The following ABR variants were observed in gnomAD, a reference collection of about 807,000 sequenced individuals.
The protein encoded by ABR is ABR activator of RhoGEF and GTPase.
ABR carries 35 observed loss-of-function variants against 107.2 expected under a neutral mutation model. That is an observed-to-expected ratio of 0.33 (90% CI 0.25 to 0.43). The LOEUF is 0.43. Among genes scored for constraint, ABR ranks in the 20% least tolerant of loss-of-function variants. The pLI, the probability that ABR is intolerant of heterozygous loss-of-function variation, is 1.00. For missense variants in ABR, 815 were observed against 1,115.2 expected (o/e 0.73, Z 3.83); for synonymous variants, 498 against 462.0 (o/e 1.08, Z -1.00).
chr17:1,095,643 T>C (rs1186111155), intron 3 of ABR, among the ~76,000 whole-genome samples: 1 of 152,132 alleles, frequency 6.6e-6, no homozygotes, highest in Non-Finnish European at 1.5e-5. Context: ...ACCACTCGAG[T>C]TCTCGGAGAG....
chr17:1,193,191 C>T (rs2042473572), intron 1 of ABR, among the ~76,000 whole-genome samples: 1 of 152,154 alleles, frequency 6.6e-6, no homozygotes, highest in African/African-American at 2.4e-5. Context: ...AACGTGTGGC[C>T]TCAGCATGAA....
chr17:1,145,882 A>G (rs2151510886), intron 1 of ABR, among the ~76,000 whole-genome samples: 1 of 152,340 alleles, frequency 6.6e-6, no homozygotes, highest in East Asian at 1.9e-4. Context: ...CTGCAGAAGC[A>G]GCCGCACCTC....
chr17:1,022,345 A>G (rs1273095794), intron 16 of ABR: 1 of 152,282 alleles, frequency 6.6e-6, no homozygotes, highest in Non-Finnish European at 1.5e-5. Context: ...CCCTCCCCCA[A>G]GGGCAGCCCC....
At chr17:1,083,715 A>T in intron 4 of ABR, 88 bp from the exon 5 acceptor site, 3 of 1,109,246 alleles carry the variant, frequency 2.7e-6, no homozygotes, top group Non-Finnish European at 2.7e-6. Context: ...GAGCACCGGG[A>T]GCTCCCCTGC....
At chr17:1,118,224 C>T (rs1326832461) in intron 2 of ABR, among the ~76,000 whole-genome samples, 2 of 95,556 alleles carry the variant, frequency 2.1e-5, no homozygotes, top group African/African-American at 8.6e-5. Flanking sequence ...CTGAGTTCTC[C>T]CCAGCGTTAA....
chr17:1,155,012 C>T (rs1389163729), intron 1 of ABR: 1 of 152,044 alleles, frequency 6.6e-6, no homozygotes, highest in Non-Finnish European at 1.5e-5. Context: ...TCCCGGGCGC[C>T]CTGGGGGCCA....
chr17:1,051,168 A>C lies in ABR; in HGVS notation c.1562-534T>G, dbSNP rs2032465570. On this transcript the variant is annotated intron_variant, in intron 14 of 22. Transcript: ENST00000302538. The surrounding 1 kb of genome is among the most constrained non-coding windows in gnomAD (Gnocchi z 4.3). ...ATCCCCTGCCGCGGTGACGACCAAC[A>C]ACGCCCACATCCCCAAGCCCAGGGT... Among the ~76,000 whole-genome samples, 1 of 151,976 alleles carries C rather than the reference A, an allele frequency of 6.6e-6. No homozygotes were observed. Among genetic ancestry groups the C allele is most frequent in the African/African-American group, 2.4e-5 (1 of 41,358 alleles).
rs1425379737 is a variant in ABR, at chr17:1,078,838, G to A, written c.700+492C>T. 10 of 1,535,474 alleles carry A rather than the reference G, an allele frequency of 6.5e-6. No homozygotes were observed. The East Asian group carries it at 7.3e-5, about 11-fold the overall frequency. ...CCATAGGTGCAGTTACAGCAGAAGCGAATAATGAGGAGAATCTCCATGGCA... is the reference window on the plus strand; with the variant it reads ...CCATAGGTGCAGTTACAGCAGAAGCAAATAATGAGGAGAATCTCCATGGCA... On this transcript the variant is annotated intron_variant, in intron 6 of 22. Coordinates refer to ENST00000302538, the MANE Select transcript of ABR (RefSeq NM_021962.5). This position sits in a 1 kb window ranked among gnomAD's most constrained non-coding sequence, Gnocchi z 7.5.
chr17:1,091,723 C>T lies in ABR; in HGVS notation c.473G>A (p.Cys158Tyr), dbSNP rs149810087. The T allele has an allele frequency of 1.1e-5, 17 of 1,614,054 alleles. No homozygotes were observed. The African/African-American group carries it at 2.3e-4, about 22-fold the overall frequency. ...GCTGTCCCACTGTTGCACCTTGGGG[C>T]ACAGGTTGTCATAGAACTCCTTGTG... is the stretch of plus-strand genomic sequence containing the variant. ...EIHKEFYDNL[C>Y]PKVQQWDSQV... is the part of the protein sequence containing the mutation. Residue 158 changes from cysteine (C) to tyrosine (Y), a missense_variant, in exon 4 of 23, where the codon TGC becomes TAC. Cys to Tyr is a radical substitution (Grantham distance 194). Coordinates refer to ENST00000302538, the MANE Select transcript of ABR (RefSeq NM_021962.5).
At position 1,005,264 on chromosome 17, in the gene ABR, ACAGT is replaced by A. The variant is rs1178572649; in HGVS notation, c.*812_*815del. 1 of 398,280 alleles carries A rather than the reference ACAGT, an allele frequency of 2.5e-6. No homozygotes were observed. The highest frequency in any genetic ancestry group is 4.4e-6 in the Non-Finnish European group (1 of 225,996). 24.7% of individuals were successfully genotyped at this position (398,280 alleles called of 1,614,324 possible). Reference sequence around the variant, plus strand: ...AGGGAACTGAAAAGCAGTAGAAGAAACAGTCAGAGATGCCTCACTGATAGACAGG... The same window carrying A: ...AGGGAACTGAAAAGCAGTAGAAGAAACAGAGATGCCTCACTGATAGACAGG... On this transcript the variant is annotated 3_prime_UTR_variant, in exon 23 of 23. Coordinates refer to ENST00000302538, the MANE Select transcript of ABR (RefSeq NM_021962.5).
chr17:1,026,763 T>C lies in ABR; in HGVS notation c.1792-13599A>G, dbSNP rs150237588. 4.3e-3 allele frequency among the ~76,000 whole-genome samples: 661 copies of C among 152,266 alleles called. 7 individuals are homozygous for C. Among genetic ancestry groups the C allele is most frequent in the African/African-American group, 0.015 (630 of 41,546 alleles). On this transcript the variant is annotated intron_variant, in intron 16 of 22. Transcript: ENST00000302538. ...AACATCTTCCTGCCCCAGCATGAGTTCACAGGGGAAACGAGGTCAAAGAAC... is the reference window on the plus strand; with the variant it reads ...AACATCTTCCTGCCCCAGCATGAGTCCACAGGGGAAACGAGGTCAAAGAAC...
intron 1 of ABR, among the ~76,000 whole-genome samples, chr17:1,223,997 G>A (rs1335943336): frequency 6.6e-6 from 1 of 152,324 alleles, no homozygotes; most frequent in East Asian, 1.9e-4. Context: ...GTGCTCTGTG[G>A]AATCCATGAA....
intron 1 of ABR, among the ~76,000 whole-genome samples, chr17:1,214,339 G>GTA (rs35881832): frequency 0.41 from 61,182 of 151,062 alleles, 13,308 homozygotes; most frequent in East Asian, 0.8. Context: ...GGATGTGTGT[G>GTA]TATATATATA....
In ABR at chr17:1,037,961, T is replaced by C. The variant is rs1339679376; in HGVS notation, c.1791+12089A>G. 1.3e-5 allele frequency among the ~76,000 whole-genome samples: 2 copies of C among 152,160 alleles called. No individual in the cohort carries two copies. The highest frequency in any genetic ancestry group is 2.9e-5 in the Non-Finnish European group (2 of 68,018). On this transcript the variant is annotated intron_variant, in intron 16 of 22. Coordinates refer to ENST00000302538, the MANE Select transcript of ABR (RefSeq NM_021962.5). The surrounding 1 kb of genome is among the most constrained non-coding windows in gnomAD (Gnocchi z 4.6). ...ACACATGGTCTCCGGTGAGATTTCT[T>C]TTCTGCTGAGGACGCACCCCTGCCG...
At chr17:1,193,937 G>A (rs1442757629) in intron 1 of ABR, among the ~76,000 whole-genome samples, 1 of 151,832 alleles carries the variant, frequency 6.6e-6, no homozygotes, top group African/African-American at 2.4e-5. Flanking sequence ...CTCGTGATCT[G>A]CCCACCTTGG....
chr17:1,162,681 C>T (rs1371242539), intron 1 of ABR, among the ~76,000 whole-genome samples: 1 of 151,364 alleles, frequency 6.6e-6, no homozygotes, highest in Non-Finnish European at 1.5e-5. Context: ...CATCCCAGCA[C>T]TTTGAAAGGC....
intron 1 of ABR, among the ~76,000 whole-genome samples, chr17:1,162,920 A>C (rs2041361175): frequency 6.6e-6 from 1 of 152,152 alleles, no homozygotes; most frequent in Admixed American, 6.6e-5. Context: ...AAAAATACAA[A>C]AATTAGCTGG....
At chr17:1,067,376 C>A in intron 9 of ABR, 134 bp from the exon 10 acceptor site, 1 of 854,242 alleles carries the variant, frequency 1.2e-6, no homozygotes, top group Non-Finnish European at 1.7e-6. Flanking sequence ...GATCCCTGCT[C>A]CTGAGGAGCC....
At chr17:1,056,938 C>T in intron 13 of ABR, 60 bp downstream of exon 13, 1 of 1,195,282 alleles carries the variant, frequency 8.4e-7, no homozygotes, top group Non-Finnish European at 1.2e-6. Flanking sequence ...TTACGGGAAG[C>T]CGGCCACGCT....
Sources: gnomAD v4.1 joint callset for allele counts (sites outside exome capture counted in the v4.1 genomes callset) on GRCh38, gnomAD v4.1.1 for gene constraint, Gnocchi (gnomAD v3.1) non-coding constraint, MANE v1.5 for transcripts, NCBI Gene and HGNC (gene_info 2026-07-23, HGNC 2026-07-21) for gene names.